Variants in CLDN15 observed in about 807,000 individuals in gnomAD.
CLDN15 encodes the protein claudin 15.
In CLDN15, 9 loss-of-function variants were observed where a neutral mutation model predicts 24.5. That is an observed-to-expected ratio of 0.37 (90% CI 0.22 to 0.64). The LOEUF is 0.64. Ranked by LOEUF, CLDN15 falls within the 30% of genes least tolerant of loss-of-function variation. The pLI, the probability that CLDN15 is intolerant of heterozygous loss-of-function variation, is 0.63. For synonymous variants in CLDN15, 149 were observed against 131.4 expected (o/e 1.13, Z -0.92); for missense variants, 248 against 305.9 (o/e 0.81, Z 1.41).
rs1798659901 is a variant in CLDN15, at chr7:101,237,724, C to T, written c.-143G>A. 4.6e-6 allele frequency: 3 copies of T among 657,370 alleles called. No individual in the cohort carries two copies. Among genetic ancestry groups the T allele is most frequent in the South Asian group, 3.4e-5 (2 of 58,068 alleles). 40.7% of individuals were successfully genotyped at this position (657,370 alleles called of 1,614,324 possible). On this transcript the variant is annotated 5_prime_UTR_variant, in exon 1 of 5. Coordinates refer to ENST00000308344, the MANE Select transcript of CLDN15 (RefSeq NM_014343.3). This position sits in a 1 kb window ranked among gnomAD's most constrained non-coding sequence, Gnocchi z 4.0. ...AGCCTCAGCCTCTGCCTGCCTCTTC[C>T]TCGGGCTCAGGTCCGTCTCCACTTT...
intron 1 of CLDN15, chr7:101,236,742 C>G (rs1387942693): frequency 1.5e-5 from 20 of 1,291,216 alleles, no homozygotes; most frequent in Non-Finnish European, 2.0e-5. Flanking sequence ...GGAAGCCCCA[C>G]ACACCTGCAC....
intron 1 of CLDN15, chr7:101,236,886 C>G (rs182027157): frequency 4.6e-5 from 54 of 1,169,344 alleles, no homozygotes; most frequent in African/African-American, 3.6e-4. Context: ...GTCTGTGGAG[C>G]CTGGAAGTTG....
intron 2 of CLDN15, 129 bp downstream of exon 2, chr7:101,234,149 G>GT: frequency 1.2e-6 from 1 of 817,568 alleles, no homozygotes. Flanking sequence ...GGGTGAGCAG[G>GT]TGTCCATGCA....
chr7:101,232,238 A>G lies in CLDN15; in HGVS notation c.*172T>C. 1.7e-6 allele frequency: 1 copy of G among 576,956 alleles called. No individual in the cohort carries two copies. The highest frequency in any genetic ancestry group is 2.1e-5 in the South Asian group (1 of 46,524). 35.7% of individuals were successfully genotyped at this position (576,956 alleles called of 1,614,324 possible). On this transcript the variant is annotated 3_prime_UTR_variant, in exon 5 of 5. Transcript: ENST00000308344. The stretch of plus-strand genomic sequence containing the variant: ...GGGAGATATGCGACTTCCCAAGAGC[A>G]GTTCTTGGCCTGGAGGGGCCATGAG...
rs753059264 is a variant in CLDN15, at chr7:101,232,558, T to C, written c.582-43A>G. ...GGTCAGAGCGGGGGCGCGGCCCTCCTCTCTCCAATCCCGCCCGGCCCCAGC... is the reference window on the plus strand; with the variant it reads ...GGTCAGAGCGGGGGCGCGGCCCTCCCCTCTCCAATCCCGCCCGGCCCCAGC... On this transcript the variant is annotated intron_variant, in intron 4 of 4. Coordinates refer to ENST00000308344, the MANE Select transcript of CLDN15 (RefSeq NM_014343.3). 9.4e-6 allele frequency: 15 copies of C among 1,595,294 alleles called. No homozygotes were observed. In the African/African-American group the frequency reaches 1.1e-4, roughly 11 times the overall value.
chr7:101,235,378 C>G (rs144677523), intron 1 of CLDN15, among the ~76,000 whole-genome samples: 2,406 of 152,310 alleles, frequency 0.016, 34 homozygotes, highest in Non-Finnish European at 0.024. Flanking sequence ...ATCCTCCTGC[C>G]TCAGCCTCCT....
intron 1 of CLDN15, chr7:101,236,968 C>T: frequency 2.3e-6 from 1 of 443,746 alleles, no homozygotes; most frequent in Admixed American, 2.5e-5. Context: ...CCAAAACATG[C>T]TCAACCGTAC....
Position 101,232,447 on chromosome 7 carries a change from C to T in CLDN15, c.650G>A (p.Ser217Asn), listed in dbSNP as rs1305160943. ...PVATSDQEGD[S>N]SFGKYGRNAY... ...GTTTCTGCCGTATTTGCCAAAGCTG[C>T]TGTCGCCTTCTTGGTCCGAGGTGGC... Residue 217 changes from serine to asparagine, a missense_variant, in exon 5 of 5, where the codon AGC (serine) becomes AAC (asparagine). Ser to Asn is a conservative substitution (Grantham distance 46). Transcript: ENST00000308344. The T allele has an allele frequency of 6.2e-7, 1 of 1,613,420 alleles. No homozygotes were observed. Among genetic ancestry groups the T allele is most frequent in the East Asian group, 2.2e-5 (1 of 44,882 alleles).
rs922380967 is a variant in CLDN15 at position 101,232,350 on chromosome 7, C to G, written c.*60G>C. 95 of 1,281,930 alleles carry G rather than the reference C, an allele frequency of 7.4e-5. No individual in the cohort carries two copies. The highest frequency in any genetic ancestry group is 9.6e-5 in the Non-Finnish European group (86 of 895,960). 79.4% of individuals were successfully genotyped at this position (1,281,930 alleles called of 1,614,324 possible). The stretch of plus-strand genomic sequence containing the variant: ...GAGGTTACTATAGGGGAATGGGCCC[C>G]GGCCAGGTCCCCTCTCCTTGGGGCA... On this transcript the variant is annotated 3_prime_UTR_variant, in exon 5 of 5. Transcript: ENST00000308344.
rs942365372 is a variant in CLDN15, at chr7:101,232,314, G to C, written c.*96C>G. On this transcript the variant is annotated 3_prime_UTR_variant, in exon 5 of 5. Transcript: ENST00000308344. ...GGGCGGGGCTACGGGAGCGGGGCGT[G>C]GCCGGCCCCTGAGGTTACTATAGGG... 8.1e-5 allele frequency: 68 copies of C among 844,084 alleles called. 1 individual carries two copies. In the South Asian group the frequency reaches 9.5e-4, roughly 12 times the overall value. 52.3% of individuals were successfully genotyped at this position (844,084 alleles called of 1,614,324 possible).
chr7:101,234,837 C>T (rs1798592664), intron 1 of CLDN15, among the ~76,000 whole-genome samples: 2 of 151,996 alleles, frequency 1.3e-5, no homozygotes, highest in Non-Finnish European at 2.9e-5. Flanking sequence ...GGCATCTGGG[C>T]CCCTCCCACC....
At position 101,237,782 on chromosome 7, in the gene CLDN15, T is replaced by C. The variant is rs1798660682; in HGVS notation, c.-201A>G. 1.2e-5 allele frequency: 7 copies of C among 600,946 alleles called. No individual in the cohort carries two copies. The East Asian group carries it at 1.7e-4, about 14-fold the overall frequency. 37.2% of individuals were successfully genotyped at this position (600,946 alleles called of 1,614,324 possible). A position where few individuals can be genotyped will look rare whatever the true frequency, so the allele number is the denominator to read the frequency against. ...CCTCCTGCTCTGTGGGTCTCTCTGCTTCCTGGCAGGTCAGAGGAATGAGCT... is the reference window on the plus strand; with the variant it reads ...CCTCCTGCTCTGTGGGTCTCTCTGCCTCCTGGCAGGTCAGAGGAATGAGCT... On this transcript the variant is annotated 5_prime_UTR_variant, in exon 1 of 5. Transcript: ENST00000308344. The surrounding 1 kb of genome is among the most constrained non-coding windows in gnomAD (Gnocchi z 4.0).
Position 101,234,263 on chromosome 7 carries a change from C to T in CLDN15, c.382+15G>A, listed in dbSNP as rs1231494497. On this transcript the variant is annotated intron_variant, in intron 2 of 4. Transcript: ENST00000308344. The stretch of plus-strand genomic sequence containing the variant: ...GTTGAGGGGGACCCCCGCCCCATCA[C>T]CTTCCCCCAGTTACCGGCCAGAATG... The T allele has an allele frequency of 6.3e-7, 1 of 1,595,996 alleles. No individual in the cohort carries two copies. The highest frequency in any genetic ancestry group is 1.7e-5 in the Admixed American group (1 of 59,956).
In CLDN15 at chr7:101,237,540, A is replaced by T; in HGVS notation, c.42T>A (p.Thr14=). 1 of 1,614,156 alleles carries T rather than the reference A, an allele frequency of 6.2e-7. No individual in the cohort carries two copies. Among genetic ancestry groups the T allele is most frequent in the East Asian group, 2.2e-5 (1 of 44,876 alleles). ...TCACCCCCAGCATCAGCAGCCCCAC[A>T]GTTGCCATGAAGAAGCCAAAGGTTT... ...AVETFGFFMA[T]VGLLMLGVTL... is the part of the protein sequence containing the mutation. Residue 14 remains threonine, a synonymous_variant, in exon 1 of 5, where the codon ACT becomes ACA. Transcript: ENST00000308344. This position sits in a 1 kb window ranked among gnomAD's most constrained non-coding sequence, Gnocchi z 4.0.
intron 4 of CLDN15, 26 bp downstream of exon 4, chr7:101,232,578 C>T: frequency 1.3e-6 from 2 of 1,596,640 alleles, no homozygotes; most frequent in Non-Finnish European, 8.5e-7. Context: ...CCCGCCCGGC[C>T]CCAGCCTGCG....
Position 101,237,577 on chromosome 7 carries a change from G to C in CLDN15, c.5C>G (p.Ser2Trp). Residue 2 changes from serine to tryptophan, a missense_variant, in exon 1 of 5, where the codon TCG becomes TGG. Transcript: ENST00000308344. The surrounding 1 kb of genome is among the most constrained non-coding windows in gnomAD (Gnocchi z 4.0). ...GAAGCCAAAGGTTTCCACAGCCATC[G>C]ACATGGTGGGATGCAGGACCCTGGG... M[S>W]MAVETFGFFM... The C allele has an allele frequency of 6.2e-7, 1 of 1,613,420 alleles. No homozygotes were observed. The highest frequency in any genetic ancestry group is 8.5e-7 in the Non-Finnish European group (1 of 1,179,386).
intron 1 of CLDN15, among the ~76,000 whole-genome samples, chr7:101,235,686 C>T (rs1562904922): frequency 1.3e-5 from 2 of 152,180 alleles, no homozygotes; most frequent in South Asian, 2.1e-4. Flanking sequence ...GGTGCAGAGT[C>T]GGGGGGTAGG....
intron 1 of CLDN15, among the ~76,000 whole-genome samples, chr7:101,236,436 C>T (rs542223865): frequency 1.6e-4 from 25 of 152,288 alleles, no homozygotes; most frequent in Admixed American, 1.5e-3. Flanking sequence ...TCTCAAGCCC[C>T]GCTTCACAGC....
chr7:101,234,170 G>A (rs945244823), intron 2 of CLDN15, 108 bp downstream of exon 2: 3 of 903,246 alleles, frequency 3.3e-6, no homozygotes, highest in Middle Eastern at 4.2e-4. Context: ...GCAGGGTAGG[G>A]GAGGTGAGCA....
Sources: allele counts gnomAD v4.1 joint callset (sites outside exome capture counted in the v4.1 genomes callset), GRCh38; gene constraint gnomAD v4.1.1; non-coding constraint Gnocchi (gnomAD v3.1); transcripts MANE v1.5; gene names NCBI Gene and HGNC (gene_info 2026-07-23, HGNC 2026-07-21).